Variants in SRPK3 observed in about 807,000 individuals in gnomAD.
The protein encoded by SRPK3 is SFRS protein kinase 3.
Under a neutral mutation model 45.3 loss-of-function variants are expected in SRPK3, and 26 were observed. That is an observed-to-expected ratio of 0.57 (90% CI 0.42 to 0.80). The LOEUF is 0.80. Ranked by LOEUF, SRPK3 falls within the 30% of genes least tolerant of loss-of-function variation. The pLI, the probability that SRPK3 is intolerant of heterozygous loss-of-function variation, is 0.00. For missense variants in SRPK3, 536 were observed against 514.5 expected (o/e 1.04, Z -0.40); for synonymous variants, 254 against 226.6 (o/e 1.12, Z -1.09).
rs781798264 is a variant in SRPK3, at chrX:153,784,398, T to C, written c.1248+4T>C. On this transcript the variant is annotated splice_donor_region_variant and intron_variant, in intron 11 of 14. Transcript: ENST00000370101. Reference sequence around the variant, plus strand: ...CCTGGGCAACGCCTGCTGGGTGGTATGAGCAAGTGTGGGAGAGCAGAGTGG... The same window carrying C: ...CCTGGGCAACGCCTGCTGGGTGGTACGAGCAAGTGTGGGAGAGCAGAGTGG... The C allele has an allele frequency of 2.0e-5, 24 of 1,206,435 alleles. No individual in the cohort carries two copies. Among genetic ancestry groups the C allele is most frequent in the Non-Finnish European group, 2.5e-5 (22 of 892,862 alleles).
At chrX:153,781,386 T>C (rs1557066800) in intron 2 of SRPK3, 40 bp downstream of exon 2, 5 of 1,174,920 alleles carry the variant, frequency 4.3e-6, no homozygotes, top group Non-Finnish European at 5.7e-6. Context: ...TCACGGCCAC[T>C]GCAGGGACCC....
chrX:153,781,710 G>A (rs782593727), intron 3 of SRPK3, 33 bp from the exon 4 acceptor site: 1 of 1,208,542 alleles, frequency 8.3e-7, no homozygotes, highest in South Asian at 1.8e-5. Context: ...GGTCCTGCCA[G>A]GGCCACAGCC....
At position 153,785,559 on chromosome X, in the gene SRPK3, A is replaced by C; in HGVS notation, c.*39A>C. On this transcript the variant is annotated 3_prime_UTR_variant, in exon 15 of 15. Transcript: ENST00000370101. Reference sequence around the variant, plus strand: ...TCCACCTCCAGCTCTCCGTGCCTTAAGGGAAAAGCGGGACAGCTCCCACCA... The same window carrying C: ...TCCACCTCCAGCTCTCCGTGCCTTACGGGAAAAGCGGGACAGCTCCCACCA... 8.4e-7 allele frequency: 1 copy of C among 1,183,732 alleles called. No homozygotes were observed. The highest frequency in any genetic ancestry group is 1.1e-6 in the Non-Finnish European group (1 of 876,814).
intron 5 of SRPK3, 59 bp downstream of exon 5, chrX:153,782,267 C>T: frequency 9.8e-7 from 1 of 1,017,357 alleles, no homozygotes; most frequent in Admixed American, 2.2e-5. Context: ...AATGGGGGGG[C>T]CCTCGCTGCT....
rs782623262 is a variant in SRPK3 at position 153,781,131 on chromosome X, C to T, written c.45C>T (p.Gly15=). The change falls in exon 1 of 15, where the codon GGC becomes GGT. Residue 15 remains glycine (G), a synonymous_variant. Coordinates refer to ENST00000370101, the MANE Select transcript of SRPK3 (RefSeq NM_014370.4). ...GTGGTGGGGACAGCGGCGGCAGCGG[C>T]GGCAGTAGCAGCAGGTAGGGCTCGG... is the stretch of plus-strand genomic sequence containing the variant. ...TGGGGDSGGS[G]GSSSSSQASC... 4 of 1,154,187 alleles carry T rather than the reference C, an allele frequency of 3.5e-6. No individual in the cohort carries two copies. The highest frequency in any genetic ancestry group is 2.0e-5 in the South Asian group (1 of 51,261).
At chrX:153,783,623 A>T in intron 8 of SRPK3, 129 bp from the exon 9 acceptor site, 1 of 1,073,488 alleles carries the variant, frequency 9.3e-7, no homozygotes, top group Non-Finnish European at 1.2e-6. Context: ...CGCTGGCGCC[A>T]CATTCTGGTG....
At position 153,783,283 on chromosome X, in the gene SRPK3, C is replaced by T. The variant is rs782799190; in HGVS notation, c.774+32C>T. The T allele has an allele frequency of 1.1e-5, 12 of 1,139,044 alleles. No individual in the cohort carries two copies. In the African/African-American group the frequency reaches 2.0e-4, roughly 19 times the overall value. 93.9% of individuals were successfully genotyped at this position (1,139,044 alleles called of 1,213,427 possible). A position where few individuals can be genotyped will look rare whatever the true frequency, so the allele number is the denominator to read the frequency against. On this transcript the variant is annotated intron_variant, in intron 8 of 14. Coordinates refer to ENST00000370101, the MANE Select transcript of SRPK3 (RefSeq NM_014370.4). The stretch of plus-strand genomic sequence containing the variant: ...TGGGGGGCCCCTCTCTCCCATGCCT[C>T]CTCTCCCATCTGAGCCAACTGGAGG...
Position 153,785,721 on chromosome X carries a change from G to A in SRPK3, c.*201G>A, listed in dbSNP as rs1040707980. ...GTGTGTATTCCTTTCTTAATAAAGT[G>A]TGGACTGAACATCGGTGCCTGGAGT... On this transcript the variant is annotated 3_prime_UTR_variant, in exon 15 of 15. Coordinates refer to ENST00000370101, the MANE Select transcript of SRPK3 (RefSeq NM_014370.4). 2.5e-6 allele frequency: 2 copies of A among 802,962 alleles called. No homozygotes were observed. Among genetic ancestry groups the A allele is most frequent in the Non-Finnish European group, 3.6e-6 (2 of 552,412 alleles). The allele number at this position is 802,962 out of a possible 1,213,427, so 66.2% of individuals were successfully genotyped here.
At chrX:153,782,738 G>A in intron 5 of SRPK3, 34 bp from the exon 6 acceptor site, 4 of 1,163,328 alleles carry the variant, frequency 3.4e-6, no homozygotes, top group Non-Finnish European at 4.6e-6. Flanking sequence ...TGCCGCAGCT[G>A]GTGTCCACTG....
In SRPK3 at chrX:153,784,383, G is replaced by A. The variant is rs2092072130; in HGVS notation, c.1237G>A (p.Ala413Thr). 2 of 1,210,396 alleles carry A rather than the reference G, an allele frequency of 1.7e-6. No homozygotes were observed. The highest frequency in any genetic ancestry group is 3.0e-5 in the East Asian group (1 of 33,810). Residue 413 changes from alanine to threonine, a missense_variant, in exon 11 of 15, where the codon GCC (alanine) becomes ACC (threonine). Transcript: ENST00000370101. ...GATCAAGATCGCAGACCTGGGCAAC[G>A]CCTGCTGGGTGGTATGAGCAAGTGT... ...IKIKIADLGN[A>T]CWVHKHFTED... is the part of the protein sequence containing the mutation.
intron 7 of SRPK3, 28 bp from the exon 8 acceptor site, chrX:153,783,198 C>CG (rs2092062628): frequency 1.0e-6 from 1 of 974,286 alleles, no homozygotes; most frequent in African/African-American, 1.9e-5. Context: ...CCCTGTCCCC[C>CG]CCCACCGCTC....
At position 153,781,307 on chromosome X, in the gene SRPK3, G is replaced by C. The variant is rs782581291; in HGVS notation, c.151G>C (p.Asp51His). The C allele has an allele frequency of 8.3e-7, 1 of 1,205,932 alleles. No individual in the cohort carries two copies. The highest frequency in any genetic ancestry group is 1.1e-6 in the Non-Finnish European group (1 of 892,733). Residue 51 changes from aspartate to histidine, a missense_variant, in exon 2 of 15, where the codon GAC (aspartate) becomes CAC (histidine). Transcript: ENST00000370101. ...PQMLQGLLGS[D>H]DEEQEDPKDY... ...GATGCTGCAGGGCCTTCTGGGCTCCGACGACGAGGAACAGGAAGACCCCAA... is the reference window on the plus strand; with the variant it reads ...GATGCTGCAGGGCCTTCTGGGCTCCCACGACGAGGAACAGGAAGACCCCAA...
Position 153,781,081 on chromosome X carries a change from G to A in SRPK3, c.-6G>A. ...GGGCACCGGAGCTGCGGGCTGCGTG[G>A]CCGGGATGAGCGCCAGCACGGGCGG... On this transcript the variant is annotated 5_prime_UTR_variant, in exon 1 of 15. Transcript: ENST00000370101. The A allele has an allele frequency of 1.9e-6, 2 of 1,069,781 alleles. No individual in the cohort carries two copies. The highest frequency in any genetic ancestry group is 2.4e-6 in the Non-Finnish European group (2 of 830,295). The allele number at this position is 1,069,781 out of a possible 1,213,427, so 88.2% of individuals were successfully genotyped here. A position where few individuals can be genotyped will look rare whatever the true frequency, so the allele number is the denominator to read the frequency against.
Position 153,785,500 on chromosome X carries a change from C to G in SRPK3, c.1684C>G (p.His562Asp). 5 of 1,208,901 alleles carry G rather than the reference C, an allele frequency of 4.1e-6. No homozygotes were observed. The highest frequency in any genetic ancestry group is 5.6e-6 in the Non-Finnish European group (5 of 893,663). The change falls in exon 15 of 15, where the codon CAC becomes GAC. Residue 562 changes from histidine to aspartate, a missense_variant. His to Asp is a moderately conservative substitution (Grantham distance 81, BLOSUM62 -1). Transcript: ENST00000370101. ...KRASAADCLQ[H>D]PWLNP ...GGCCAGTGCCGCTGACTGCCTCCAG[C>G]ACCCCTGGCTCAACCCCTAGGCCCG...
At chrX:153,783,316 T>G in intron 8 of SRPK3, 65 bp downstream of exon 8, 1 of 840,122 alleles carries the variant, frequency 1.2e-6, no homozygotes, top group Non-Finnish European at 1.7e-6. Context: ...AGGCCATCTC[T>G]GGAGCCACAG....
chrX:153,782,722 G>C (rs1388138533), intron 5 of SRPK3, 50 bp from the exon 6 acceptor site: 4 of 1,129,566 alleles, frequency 3.5e-6, no homozygotes, highest in Non-Finnish European at 4.8e-6. Flanking sequence ...GGGTGGGTGG[G>C]GCCTGTGCCG....
Position 153,785,713 on chromosome X carries a change from A to T in SRPK3, c.*193A>T. 1.3e-6 allele frequency: 1 copy of T among 791,163 alleles called. No homozygotes were observed. The highest frequency in any genetic ancestry group is 1.8e-6 in the Non-Finnish European group (1 of 545,456). The allele number at this position is 791,163 out of a possible 1,213,427, so 65.2% of individuals were successfully genotyped here. ...GAGAAAGTGTGTGTATTCCTTTCTT[A>T]ATAAAGTGTGGACTGAACATCGGTG... On this transcript the variant is annotated 3_prime_UTR_variant, in exon 15 of 15. Transcript: ENST00000370101.
rs1557068157 is a variant in SRPK3 at position 153,784,300 on chromosome X, T to G, written c.1154T>G (p.Phe385Cys). The G allele has an allele frequency of 8.3e-7, 1 of 1,211,141 alleles. No individual in the cohort carries two copies. Among genetic ancestry groups the G allele is most frequent in the Non-Finnish European group, 1.1e-6 (1 of 895,429 alleles). The change falls in exon 11 of 15, where the codon TTC becomes TGC. Residue 385 changes from phenylalanine to cysteine, a missense_variant. By Grantham distance (205) the Phe-to-Cys change is radical (BLOSUM62 -2). Coordinates refer to ENST00000370101, the MANE Select transcript of SRPK3 (RefSeq NM_014370.4). ...CCTGCTCTGCCTTCCCCAGCACCAT[T>G]CGGTGCCTCGAACCTCCTGGTGAAC... Reference protein sequence around the residue: ...TGGLLSPSTPFGASNLLVNPL... With the variant: ...TGGLLSPSTPCGASNLLVNPL...
chrX:153,784,274 C>G lies in SRPK3; in HGVS notation c.1148-20C>G. On this transcript the variant is annotated intron_variant, in intron 10 of 14. Transcript: ENST00000370101. ...GGCAGTAGTCGGACCACTTCAGTCT[C>G]CCTGCTCTGCCTTCCCCAGCACCAT... The G allele has an allele frequency of 8.3e-7, 1 of 1,211,328 alleles. No homozygotes were observed. Among genetic ancestry groups the G allele is most frequent in the Non-Finnish European group, 1.1e-6 (1 of 895,431 alleles).
Sources: allele counts gnomAD v4.1 joint callset, GRCh38; gene constraint gnomAD v4.1.1; transcripts MANE v1.5; gene names NCBI Gene and HGNC (gene_info 2026-07-23, HGNC 2026-07-21).